KSR1: variants seen among roughly 807,000 people sequenced by gnomAD.
KSR1 encodes kinase suppressor of ras 1, also known as kinase suppressor of ras.
KSR1 carries 35 observed loss-of-function variants against 92.9 expected under a neutral mutation model. The observed-to-expected ratio is 0.38, with a 90% CI of 0.29 to 0.50. KSR1 has a LOEUF of 0.50. Ranked by LOEUF, KSR1 falls within the 20% of genes least tolerant of loss-of-function variation. KSR1 has a pLI of 0.94. For missense variants in KSR1, 972 were observed against 1,158.5 expected (o/e 0.84, Z 2.34); for synonymous variants, 467 against 472.6 (o/e 0.99, Z 0.15).
At chr17:27,514,660 C>CAAAAA (rs1177388900) in intron 1 of KSR1, among the ~76,000 whole-genome samples, 2 of 92,636 alleles carry the variant, frequency 2.2e-5, no homozygotes, top group Admixed American at 1.2e-4. Context: ...AACTCCATCT[C>CAAAAA]AAAAAAAAAA....
At chr17:27,538,286 G>T (rs1204092379) in intron 1 of KSR1, among the ~76,000 whole-genome samples, 1 of 152,222 alleles carries the variant, frequency 6.6e-6, no homozygotes, top group Non-Finnish European at 1.5e-5. Flanking sequence ...TGGCACACGT[G>T]TGCTGGTTTT....
At chr17:27,503,450 G>C (rs2069262964) in intron 1 of KSR1, among the ~76,000 whole-genome samples, 1 of 152,202 alleles carries the variant, frequency 6.6e-6, no homozygotes, top group Admixed American at 6.5e-5. Flanking sequence ...TCTAATCCCA[G>C]CACTTTGGGA....
chr17:27,498,666 A>T (rs972748515), intron 1 of KSR1, among the ~76,000 whole-genome samples: 9 of 152,150 alleles, frequency 5.9e-5, no homozygotes, highest in African/African-American at 2.2e-4. Flanking sequence ...CCAGGTTGTG[A>T]GTCCCAGCCC....
At chr17:27,490,814 G>A (rs543833024) in intron 1 of KSR1, among the ~76,000 whole-genome samples, 7 of 152,250 alleles carry the variant, frequency 4.6e-5, no homozygotes, top group East Asian at 1.9e-4. Flanking sequence ...CTATAGAAAC[G>A]ATAGGCTGTA....
At chr17:27,512,964 T>C (rs2069656252) in intron 1 of KSR1, among the ~76,000 whole-genome samples, 1 of 152,164 alleles carries the variant, frequency 6.6e-6, no homozygotes, top group African/African-American at 2.4e-5. Flanking sequence ...ACCTCTTCTC[T>C]TACTGCCACG....
chr17:27,500,261 C>T (rs1346262306), intron 1 of KSR1, among the ~76,000 whole-genome samples: 1 of 152,160 alleles, frequency 6.6e-6, no homozygotes, highest in Non-Finnish European at 1.5e-5. Flanking sequence ...GAAGCCTTCC[C>T]TTGAGCATTA....
chr17:27,566,848 C>A (rs2072095067), intron 2 of KSR1, among the ~76,000 whole-genome samples: 1 of 152,222 alleles, frequency 6.6e-6, no homozygotes, highest in Admixed American at 6.5e-5. Flanking sequence ...AGGACACACA[C>A]TTGTTCTGAG....
rs908228628 is a variant in KSR1, at chr17:27,459,762, C to T, written c.231+2888C>T. ...GTGGGAGAAGCAGCACGTGAAATGT[C>T]CGTGGAGGTCCCTGACCAGGGATGG... is the stretch of plus-strand genomic sequence containing the variant. On this transcript the variant is annotated intron_variant, in intron 1 of 20. Coordinates refer to ENST00000644974, the MANE Select transcript of KSR1 (RefSeq NM_001394583.1). The surrounding 1 kb of genome is among the most constrained non-coding windows in gnomAD (Gnocchi z 4.6). 2.0e-5 allele frequency among the ~76,000 whole-genome samples: 3 copies of T among 152,198 alleles called. No individual in the cohort carries two copies. Among genetic ancestry groups the T allele is most frequent in the Non-Finnish European group, 4.4e-5 (3 of 68,038 alleles).
chr17:27,519,671 A>G (rs1320078169), intron 1 of KSR1, among the ~76,000 whole-genome samples: 1 of 152,190 alleles, frequency 6.6e-6, no homozygotes, highest in Non-Finnish European at 1.5e-5. Context: ...TAGAGCTGCC[A>G]GATTTGTGGG....
intron 1 of KSR1, among the ~76,000 whole-genome samples, chr17:27,507,107 G>GGATTCA (rs1208979186): frequency 7.9e-5 from 12 of 152,174 alleles, no homozygotes; most frequent in African/African-American, 2.9e-4. Context: ...AATGCTTGGT[G>GGATTCA]GATTCAGAAG....
chr17:27,544,349 T>C (rs1360210247), intron 1 of KSR1, among the ~76,000 whole-genome samples: 1 of 152,156 alleles, frequency 6.6e-6, no homozygotes, highest in East Asian at 1.9e-4. Flanking sequence ...TCAACCTCCA[T>C]AAAATGATAC....
At chr17:27,486,710 G>C (rs1323385104) in intron 1 of KSR1, among the ~76,000 whole-genome samples, 3 of 152,158 alleles carry the variant, frequency 2.0e-5, no homozygotes, top group Non-Finnish European at 4.4e-5. Context: ...CTGCCCACCT[G>C]AGACTGCAGT....
At chr17:27,501,278 TAATTTCTTTTCTTC>T (rs372643159) in intron 1 of KSR1, among the ~76,000 whole-genome samples, 7 of 140,440 alleles carry the variant, frequency 5.0e-5, no homozygotes, top group Non-Finnish European at 6.2e-5. Context: ...TTTTTTTTTT[TAATTTCTTTTCTTC>T]TTTTTTTTTT....
At chr17:27,621,638 G>T (rs186705891) in intron 20 of KSR1, among the ~76,000 whole-genome samples, 2 of 152,290 alleles carry the variant, frequency 1.3e-5, no homozygotes, top group Admixed American at 1.3e-4. Flanking sequence ...CTTGGAAGTA[G>T]ATTTTACTCG....
chr17:27,550,298 C>T lies in KSR1; in HGVS notation c.232-270C>T, dbSNP rs61548576. 6.7e-3 allele frequency among the ~76,000 whole-genome samples: 1,017 copies of T among 152,344 alleles called. 19 individuals are homozygous for T. The highest frequency in any genetic ancestry group is 0.024 in the African/African-American group (989 of 41,580). ...ATTTAACCCAGCTCTCTGTTCTGACCAGTGTTGCCCATGACGCTCATGTCC... is the reference window on the plus strand; with the variant it reads ...ATTTAACCCAGCTCTCTGTTCTGACTAGTGTTGCCCATGACGCTCATGTCC... On this transcript the variant is annotated intron_variant, in intron 1 of 20. Transcript: ENST00000644974.
chr17:27,622,094 G>A, intron 20 of KSR1: 2 of 709,438 alleles, frequency 2.8e-6, no homozygotes, highest in Non-Finnish European at 4.8e-6. Flanking sequence ...CTTTTGCTTT[G>A]TTTTAAAAAC....
At chr17:27,584,905 C>A (rs1005554079) in intron 4 of KSR1, among the ~76,000 whole-genome samples, 4 of 152,154 alleles carry the variant, frequency 2.6e-5, no homozygotes, top group Non-Finnish European at 5.9e-5. Flanking sequence ...TATCTCTGCC[C>A]TCCTGTCCAG....
At position 27,623,511 on chromosome 17, in the gene KSR1, C is replaced by A. The variant is rs761257179; in HGVS notation, c.*119C>A. ...CCCAGCGCTGCAAACCAGGAGCACA[C>A]GTCCTAGATTCAGACTGTTGGCCAT... is the stretch of plus-strand genomic sequence containing the variant. On this transcript the variant is annotated 3_prime_UTR_variant, in exon 21 of 21. Coordinates refer to ENST00000644974, the MANE Select transcript of KSR1 (RefSeq NM_001394583.1). 4.3e-6 allele frequency: 3 copies of A among 691,024 alleles called. No individual in the cohort carries two copies. Among genetic ancestry groups the A allele is most frequent in the Non-Finnish European group, 7.9e-6 (3 of 382,072 alleles). The allele number at this position is 691,024 out of a possible 1,614,324, so 42.8% of individuals were successfully genotyped here. A position where few individuals can be genotyped will look rare whatever the true frequency, so the allele number is the denominator to read the frequency against.
At chr17:27,543,119 C>G (rs2071028647) in intron 1 of KSR1, among the ~76,000 whole-genome samples, 1 of 152,242 alleles carries the variant, frequency 6.6e-6, no homozygotes. Flanking sequence ...TCCACACACC[C>G]TGTGGAAGCC....
Sources: allele counts gnomAD v4.1 joint callset (sites outside exome capture counted in the v4.1 genomes callset), GRCh38; gene constraint gnomAD v4.1.1; non-coding constraint Gnocchi (gnomAD v3.1); transcripts MANE v1.5; gene names NCBI Gene and HGNC (gene_info 2026-07-23, HGNC 2026-07-21).